The following RNF213 variants were observed in gnomAD, a reference collection of about 807,000 sequenced individuals.
RNF213 encodes E3 ubiquitin-protein ligase RNF213.
In RNF213, 341 loss-of-function variants were observed where a neutral mutation model predicts 514.4. That is an observed-to-expected ratio of 0.66 (90% CI 0.61 to 0.73). RNF213 has a LOEUF of 0.73. Among genes scored for constraint, RNF213 ranks in the 30% least tolerant of loss-of-function variants. The pLI, the probability that RNF213 is intolerant of heterozygous loss-of-function variation, is 0.00. For synonymous variants in RNF213, 2,655 were observed against 2,658.2 expected (o/e 1.00, Z 0.04); for missense variants, 5,767 against 6,615.6 (o/e 0.87, Z 4.45).
At chr17:80,337,404 A>G (rs1270403454) in intron 23 of RNF213, 182 bp from the exon 24 acceptor site, 5 of 680,938 alleles carry the variant, frequency 7.3e-6, no homozygotes, top group South Asian at 3.8e-5. Flanking sequence ...GTGACAGATC[A>G]TGTTGTCAGG....
At chr17:80,330,492 G>A (rs531334066) in intron 20 of RNF213, among the ~76,000 whole-genome samples, 204 of 152,290 alleles carry the variant, frequency 1.3e-3, no homozygotes, top group African/African-American at 4.5e-3. Context: ...AGGGAGAAGC[G>A]GGCTGGCGGG....
chr17:80,291,609 G>A lies in RNF213; in HGVS notation c.1272-19G>A, dbSNP rs759766560. On this transcript the variant is annotated intron_variant, in intron 7 of 67. Coordinates refer to ENST00000582970, the MANE Select transcript of RNF213 (RefSeq NM_001256071.3). ...GGGTAGGAATTTTGGATAGCCAACC[G>A]TATCCTGTTCATTCACAGAGACTTG... is the stretch of plus-strand genomic sequence containing the variant. The A allele has an allele frequency of 5.6e-6, 9 of 1,613,258 alleles. No homozygotes were observed. Among genetic ancestry groups the A allele is most frequent in the East Asian group, 4.5e-5 (2 of 44,878 alleles).
At chr17:80,274,864 G>T (rs1432410868) in intron 3 of RNF213, among the ~76,000 whole-genome samples, 2 of 99,538 alleles carry the variant, frequency 2.0e-5, no homozygotes, top group African/African-American at 8.6e-5. Context: ...TGTGTTGGGG[G>T]GTGTGTGAGT....
At chr17:80,352,482 T>G in intron 32 of RNF213, 1 of 483,470 alleles carries the variant, frequency 2.1e-6, no homozygotes, top group Non-Finnish European at 3.7e-6. Flanking sequence ...TATCTTCAGA[T>G]CTCTTTTTTT....
chr17:80,271,395 G>A (rs1346524946), intron 2 of RNF213, among the ~76,000 whole-genome samples: 1 of 152,242 alleles, frequency 6.6e-6, no homozygotes, highest in African/African-American at 2.4e-5. Context: ...CTGCCCTCCA[G>A]ATCTCAGAGG....
chr17:80,339,240 G>A lies in RNF213; in HGVS notation c.4873G>A (p.Asp1625Asn), dbSNP rs1420496987. ...SVQRLSQAFI[D>N]LHSAGNMLFR... is the part of the protein sequence containing the mutation. ...GCAGAGGCTCAGCCAGGCCTTCATCGACCTGCACTCTGCTGGGAATATGCT... is the reference window on the plus strand; with the variant it reads ...GCAGAGGCTCAGCCAGGCCTTCATCAACCTGCACTCTGCTGGGAATATGCT... Residue 1625 changes from aspartate (D) to asparagine (N), a missense_variant, in exon 26 of 68, where the codon GAC becomes AAC. Transcript: ENST00000582970. The A allele has an allele frequency of 9.9e-6, 15 of 1,510,126 alleles. No homozygotes were observed. In the Admixed American group the frequency reaches 1.2e-4, roughly 12 times the overall value. The allele number at this position is 1,510,126 out of a possible 1,614,324, so 93.5% of individuals were successfully genotyped here.
At chr17:80,352,057 G>A (rs1377218700) in intron 32 of RNF213, 4 of 340,322 alleles carry the variant, frequency 1.2e-5, no homozygotes, top group Non-Finnish European at 2.2e-5. Context: ...GTTTCACCAC[G>A]TTGGCCTAGA....
At chr17:80,274,334 C>T (rs1229283042) in intron 3 of RNF213, among the ~76,000 whole-genome samples, 7 of 151,062 alleles carry the variant, frequency 4.6e-5, no homozygotes, top group Admixed American at 2.6e-4. Context: ...GAGCACTAGG[C>T]GAGGCTTTCG....
intron 62 of RNF213, 85 bp from the exon 63 acceptor site, chr17:80,386,605 G>T: frequency 1.3e-6 from 2 of 1,513,696 alleles, no homozygotes; most frequent in Non-Finnish European, 1.8e-6. Context: ...CCAACTGTGA[G>T]AAATGGGAGC....
intron 3 of RNF213, among the ~76,000 whole-genome samples, chr17:80,283,878 C>A (rs1238580303): frequency 6.6e-6 from 1 of 152,174 alleles, no homozygotes; most frequent in Non-Finnish European, 1.5e-5. Flanking sequence ...TTTCAACTTT[C>A]ATAATTAGGG....
chr17:80,273,139 CAG>C (rs967937925), intron 2 of RNF213, 100 bp from the exon 3 acceptor site: 141 of 1,475,936 alleles, frequency 9.6e-5, no homozygotes, highest in Non-Finnish European at 1.2e-4. Flanking sequence ...GGAGGGAGAA[CAG>C]GGTGAATCTC....
intron 41 of RNF213, 134 bp from the exon 42 acceptor site, chr17:80,364,299 G>A (rs2079169184): frequency 1.6e-6 from 2 of 1,214,754 alleles, no homozygotes; most frequent in Non-Finnish European, 1.2e-6. Flanking sequence ...TGTCACATAG[G>A]GCTTGCTTGT....
intron 36 of RNF213, among the ~76,000 whole-genome samples, chr17:80,357,525 C>T (rs545411709): frequency 2.0e-5 from 3 of 152,266 alleles, no homozygotes; most frequent in Middle Eastern, 3.4e-3. Context: ...GGGACAAATT[C>T]ATTTTGGTCT....
chr17:80,317,077 G>GA lies in RNF213; in HGVS notation c.2812-111_2812-110insA. ...GGTTGGGGAGAGCCCTGGTGTTCGC[G>GA]GAGTCCCGCGCTCTCTGTATTGCCG... On this transcript the variant is annotated intron_variant, in intron 15 of 67. Transcript: ENST00000582970. The surrounding 1 kb of genome is among the most constrained non-coding windows in gnomAD (Gnocchi z 4.1). 1 of 1,166,810 alleles carries GA rather than the reference G, an allele frequency of 8.6e-7. No homozygotes were observed. 72.3% of individuals were successfully genotyped at this position (1,166,810 alleles called of 1,614,324 possible).
At chr17:80,336,806 AG>A (rs2078000317) in intron 23 of RNF213, 1 of 329,652 alleles carries the variant, frequency 3.0e-6, no homozygotes, top group African/African-American at 2.2e-5. Context: ...CTGGAGGCTG[AG>A]ACAGAATTGC....
At chr17:80,285,428 G>A (rs560577357) in intron 3 of RNF213, among the ~76,000 whole-genome samples, 2 of 152,212 alleles carry the variant, frequency 1.3e-5, no homozygotes, top group African/African-American at 2.4e-5. Context: ...TCTCCGAGGG[G>A]AGGCTGTCTT....
At position 80,317,899 on chromosome 17, in the gene RNF213, T is replaced by C. The variant is rs1251452696; in HGVS notation, c.2901+622T>C. 6.6e-6 allele frequency among the ~76,000 whole-genome samples: 1 copy of C among 152,068 alleles called. No homozygotes were observed. The highest frequency in any genetic ancestry group is 1.5e-5 in the Non-Finnish European group (1 of 68,002). ...GCTCTTGTCCAGCATCCAAGAAGAATGGGGTCACCCGGACACTTGAAGGAT... is the reference window on the plus strand; with the variant it reads ...GCTCTTGTCCAGCATCCAAGAAGAACGGGGTCACCCGGACACTTGAAGGAT... On this transcript the variant is annotated intron_variant, in intron 16 of 67. Coordinates refer to ENST00000582970, the MANE Select transcript of RNF213 (RefSeq NM_001256071.3). The surrounding 1 kb of genome is among the most constrained non-coding windows in gnomAD (Gnocchi z 4.1).
Position 80,346,041 on chromosome 17 carries a change from A to G in RNF213, c.7706A>G (p.His2569Arg). 4 of 1,614,170 alleles carry G rather than the reference A, an allele frequency of 2.5e-6. No homozygotes were observed. The highest frequency in any genetic ancestry group is 3.4e-6 in the Non-Finnish European group (4 of 1,180,036). ...IPLRQLVYRV[H>R]ALPPSLIPLV... ...CTGAGGCAGCTGGTATACCGGGTCC[A>G]TGCTCTGCCCCCGAGCCTGATTCCT... Residue 2569 changes from histidine (H) to arginine (R), a missense_variant, in exon 29 of 68, where the codon CAT (histidine) becomes CGT (arginine). Around this residue, in one of 13 missense-constraint regions of RNF213, gnomAD observed 1,377 missense variants for 1,635.2 expected, o/e 0.84. Coordinates refer to ENST00000582970, the MANE Select transcript of RNF213 (RefSeq NM_001256071.3). The surrounding 1 kb of genome is among the most constrained non-coding windows in gnomAD (Gnocchi z 8.1).
intron 13 of RNF213, among the ~76,000 whole-genome samples, chr17:80,308,352 C>T (rs1207189083): frequency 2.6e-5 from 4 of 152,096 alleles, no homozygotes; most frequent in African/African-American, 9.7e-5. Context: ...TCCCAGTCCC[C>T]TCCATCAACT....
Sources: gnomAD v4.1 joint callset for allele counts (sites outside exome capture counted in the v4.1 genomes callset) on GRCh38, gnomAD v4.1.1 for gene constraint, gnomAD v4.1.1 regional missense constraint, Gnocchi (gnomAD v3.1) non-coding constraint, MANE v1.5 for transcripts, NCBI Gene and HGNC (gene_info 2026-07-23, HGNC 2026-07-21) for gene names.